Variants in CSGALNACT1 observed in about 807,000 individuals in gnomAD.
CSGALNACT1 encodes the protein beta4GalNAcT-1.
Under a neutral mutation model 51.0 loss-of-function variants are expected in CSGALNACT1, and 52 were observed. That is an observed-to-expected ratio of 1.02 (90% CI 0.82 to 1.29). CSGALNACT1 has a LOEUF of 1.29. CSGALNACT1 is among the 50% of genes most tolerant of loss of function. The pLI, the probability that CSGALNACT1 is intolerant of heterozygous loss-of-function variation, is 0.00. For synonymous variants in CSGALNACT1, 341 were observed against 254.4 expected, an observed-to-expected ratio of 1.34 and a Z score of -3.24; for missense variants, 935 against 679.2, an observed-to-expected ratio of 1.38 and a Z score of -4.19.
intron 3 of CSGALNACT1, among the ~76,000 whole-genome samples, chr8:19,559,504 T>C (rs1229161362): frequency 6.6e-6 from 1 of 152,096 alleles, no homozygotes; most frequent in Non-Finnish European, 1.5e-5. Flanking sequence ...AGTAAATAAA[T>C]GGTACAAGGA....
intron 3 of CSGALNACT1, among the ~76,000 whole-genome samples, chr8:19,516,849 G>C (rs2079622454): frequency 6.6e-6 from 1 of 152,182 alleles, no homozygotes; most frequent in Non-Finnish European, 1.5e-5. Flanking sequence ...TGGGGATCGA[G>C]GTGAACACAG....
intron 1 of CSGALNACT1, among the ~76,000 whole-genome samples, chr8:19,650,413 G>A (rs7006487): frequency 0.44 from 66,619 of 152,018 alleles, 14,979 homozygotes; most frequent in Middle Eastern, 0.54. Context: ...AGATCCAGGA[G>A]GGGTTCTAGT....
chr8:19,734,520 C>T (rs577717700), intron 1 of CSGALNACT1, among the ~76,000 whole-genome samples: 1 of 152,316 alleles, frequency 6.6e-6, no homozygotes, highest in South Asian at 2.1e-4. Flanking sequence ...GCTCTCTGAA[C>T]CTCTACTACT....
chr8:19,413,861 C>T (rs2056368645), intron 8 of CSGALNACT1, among the ~76,000 whole-genome samples: 1 of 152,170 alleles, frequency 6.6e-6, no homozygotes, highest in Non-Finnish European at 1.5e-5. Flanking sequence ...GGTGTGCTCA[C>T]CTGGCAACAA....
chr8:19,595,030 G>A lies in CSGALNACT1; in HGVS notation c.-415-3752C>T, dbSNP rs112065202. Among the ~76,000 whole-genome samples, 353 of 152,188 alleles carry A rather than the reference G, an allele frequency of 2.3e-3. 1 individual carries two copies. The highest frequency in any genetic ancestry group is 6.5e-3 in the African/African-American group (271 of 41,526). ...ATCGTATATGAGATTTTGTGTCTGC[G>A]GGCTCCCCATCAATTCTGTTGGACA... On this transcript the variant is annotated intron_variant, in intron 2 of 9. Coordinates refer to ENST00000454498, the Ensembl canonical transcript of CSGALNACT1.
In CSGALNACT1 at chr8:19,588,208, C is replaced by CA. The variant is rs567127187; in HGVS notation, c.-297+2951dup. On this transcript the variant is annotated intron_variant, in intron 3 of 9. Transcript: ENST00000454498. ...GAAACCCTGTCCCCCATCCCCTCAG[C>CA]AAAAAAAAGAAAAAAAAAGATATAT... is the stretch of plus-strand genomic sequence containing the variant. 3.3e-4 allele frequency among the ~76,000 whole-genome samples: 49 copies of CA among 146,736 alleles called. 2 individuals are homozygous for CA. The South Asian group carries it at 9.7e-3, about 29-fold the overall frequency.
At chr8:19,571,535 A>C (rs1430917391) in intron 3 of CSGALNACT1, among the ~76,000 whole-genome samples, 5 of 152,156 alleles carry the variant, frequency 3.3e-5, no homozygotes, top group Non-Finnish European at 7.4e-5. Context: ...CTCCCCAACT[A>C]ATATGGCTAA....
intron 3 of CSGALNACT1, among the ~76,000 whole-genome samples, chr8:19,541,600 A>G (rs1173972941): frequency 9.0e-6 from 1 of 111,448 alleles, no homozygotes; most frequent in African/African-American, 3.6e-5. Flanking sequence ...GGAATTCACC[A>G]CATTGGCCAG....
intron 6 of CSGALNACT1, among the ~76,000 whole-genome samples, chr8:19,436,944 A>G (rs1438892203): frequency 6.6e-6 from 1 of 152,052 alleles, no homozygotes. Context: ...ATGTGCACAA[A>G]TTTACTATAT....
upstream of CSGALNACT1, among the ~76,000 whole-genome samples, chr8:19,604,172 C>A (rs889192835): frequency 3.3e-5 from 5 of 152,140 alleles, no homozygotes; most frequent in Non-Finnish European, 7.4e-5. Context: ...GACTAGAAGG[C>A]AAACCCACTG....
At chr8:19,406,215 C>T in intron 9 of CSGALNACT1, 146 bp from the exon 9 acceptor site, 2 of 952,468 alleles carry the variant, frequency 2.1e-6, no homozygotes, top group Non-Finnish European at 3.3e-6. Flanking sequence ...AGAGTGTCCA[C>T]CTGGGTCAGA....
At position 19,747,996 on chromosome 8, in the gene CSGALNACT1, T is replaced by C. The variant is rs1017884450; in HGVS notation, c.-297+9854A>G. Among the ~76,000 whole-genome samples the C allele has an allele frequency of 4.6e-5, 7 of 152,162 alleles. No individual in the cohort carries two copies. The South Asian group carries it at 1.2e-3, about 27-fold the overall frequency. ...GGTCATAGGTATATCCAAAGAAATATCCCTGCAAAATACAAGTCTCCTCCC... is the reference window on the plus strand; with the variant it reads ...GGTCATAGGTATATCCAAAGAAATACCCCTGCAAAATACAAGTCTCCTCCC... On this transcript the variant is annotated intron_variant, in intron 1 of 1. Transcript: ENST00000517494.
At chr8:19,427,580 A>T (rs1340541519) in intron 6 of CSGALNACT1, among the ~76,000 whole-genome samples, 2 of 152,066 alleles carry the variant, frequency 1.3e-5, no homozygotes, top group Non-Finnish European at 2.9e-5. Flanking sequence ...CGAGGTCAGG[A>T]GATCGAGACC....
chr8:19,579,270 T>C (rs978861000), intron 3 of CSGALNACT1, among the ~76,000 whole-genome samples: 1 of 152,180 alleles, frequency 6.6e-6, no homozygotes, highest in African/African-American at 2.4e-5. Flanking sequence ...ACTCCCTCCA[T>C]GTCCTCTACA....
chr8:19,714,140 C>T (rs780957861), intron 1 of CSGALNACT1, among the ~76,000 whole-genome samples: 6 of 152,168 alleles, frequency 3.9e-5, no homozygotes, highest in Non-Finnish European at 7.3e-5. Flanking sequence ...AAACCTTATC[C>T]AATTATTCCC....
chr8:19,567,354 A>C (rs2042100741), intron 3 of CSGALNACT1, among the ~76,000 whole-genome samples: 1 of 152,176 alleles, frequency 6.6e-6, no homozygotes, highest in Non-Finnish European at 1.5e-5. Flanking sequence ...TAAGTAATAA[A>C]AGTCAATCCA....
intron 1 of CSGALNACT1, among the ~76,000 whole-genome samples, chr8:19,722,615 C>T (rs756396702): frequency 6.6e-6 from 1 of 152,178 alleles, no homozygotes; most frequent in Non-Finnish European, 1.5e-5. Context: ...ATGTGGTCCA[C>T]CAAATTCAAT....
chr8:19,637,187 T>C (rs1267697639), intron 1 of CSGALNACT1, among the ~76,000 whole-genome samples: 2 of 152,124 alleles, frequency 1.3e-5, no homozygotes, highest in Non-Finnish European at 2.9e-5. Context: ...GCCTGGGCGA[T>C]AGAGACTCCA....
chr8:19,548,748 G>C (rs28522702), intron 3 of CSGALNACT1, among the ~76,000 whole-genome samples: 25,717 of 152,078 alleles, frequency 0.17, 2,286 homozygotes, highest in African/African-American at 0.22. Context: ...ATGATCAAAA[G>C]ACACTTTCAA....
Sources: allele counts gnomAD v4.1 joint callset (sites outside exome capture counted in the v4.1 genomes callset), GRCh38; gene constraint gnomAD v4.1.1; transcripts MANE v1.5; gene names NCBI Gene and HGNC (gene_info 2026-07-23, HGNC 2026-07-21).